Variants in WWC1 observed in about 807,000 individuals in gnomAD.
The protein encoded by WWC1 is WW and C2 domain containing 1.
Under a neutral mutation model 138.4 loss-of-function variants are expected in WWC1, and 55 were observed. The observed-to-expected ratio is 0.40, with a 90% CI of 0.32 to 0.50. The LOEUF (loss-of-function observed/expected upper bound fraction) is 0.50, where lower values mean the gene tolerates loss of function less well. Ranked by LOEUF, WWC1 falls within the 20% of genes least tolerant of loss-of-function variation. The pLI is 0.72. For missense variants in WWC1, 1,226 were observed against 1,420.4 expected, an observed-to-expected ratio of 0.86 and a Z score of 2.20; for synonymous variants, 524 against 564.9, an observed-to-expected ratio of 0.93 and a Z score of 1.03.
At chr5:168,302,136 G>A (rs1308607644) in intron 1 of WWC1, among the ~76,000 whole-genome samples, 2 of 152,190 alleles carry the variant, frequency 1.3e-5, no homozygotes, top group East Asian at 3.8e-4. Flanking sequence ...GGAGGTCTCT[G>A]GAACTCATTT....
At chr5:168,464,072 C>T (rs1413071532) in intron 20 of WWC1, among the ~76,000 whole-genome samples, 1 of 152,122 alleles carries the variant, frequency 6.6e-6, no homozygotes, top group African/African-American at 2.4e-5. Context: ...AGGTCACATT[C>T]CTATCCCTGA....
At chr5:168,386,048 C>T (rs1240505436) in intron 3 of WWC1, among the ~76,000 whole-genome samples, 1 of 152,048 alleles carries the variant, frequency 6.6e-6, no homozygotes, top group African/African-American at 2.4e-5. Flanking sequence ...TTTTCCACCT[C>T]AGTGCCTTAG....
At chr5:168,306,022 C>T (rs936022292) in intron 1 of WWC1, among the ~76,000 whole-genome samples, 2 of 152,134 alleles carry the variant, frequency 1.3e-5, no homozygotes, top group African/African-American at 4.8e-5. Context: ...ATTTTAAAAC[C>T]TAATATGTAT....
In WWC1 at chr5:168,372,586, A is replaced by G. The variant is rs146159293; in HGVS notation, c.229+1053A>G. On this transcript the variant is annotated intron_variant, in intron 2 of 22. Transcript: ENST00000265293. ...GGCATTATCTCTTTTAATCCTCCCA[A>G]TTCCTGGTGGGATGTTCAGATGATC... is the stretch of plus-strand genomic sequence containing the variant. 3.7e-4 allele frequency among the ~76,000 whole-genome samples: 56 copies of G among 152,238 alleles called. No homozygotes were observed. The East Asian group carries it at 9.5e-3, about 26-fold the overall frequency.
intron 1 of WWC1, among the ~76,000 whole-genome samples, chr5:168,356,468 G>A (rs1451038692): frequency 2.0e-5 from 3 of 152,222 alleles, no homozygotes; most frequent in African/African-American, 7.2e-5. Flanking sequence ...TCGGTGTCAG[G>A]CAAGAGTCTT....
chr5:168,324,985 TA>T (rs1772412614), intron 1 of WWC1, among the ~76,000 whole-genome samples: 1 of 152,182 alleles, frequency 6.6e-6, no homozygotes, highest in African/African-American at 2.4e-5. Context: ...AATACCTGAA[TA>T]AATGACTGGA....
chr5:168,336,548 G>T, intron 1 of WWC1, among the ~76,000 whole-genome samples: 1 of 143,394 alleles, frequency 7.0e-6, no homozygotes, highest in Non-Finnish European at 1.5e-5. Flanking sequence ...CTCCAGCCTG[G>T]GCAACAGAGC....
At chr5:168,357,485 T>C (rs1775534076) in intron 1 of WWC1, among the ~76,000 whole-genome samples, 1 of 77,906 alleles carries the variant, frequency 1.3e-5, no homozygotes, top group Middle Eastern at 7.5e-3. Context: ...TGTGTGTGTG[T>C]GTGTGTGTGC....
chr5:168,367,738 C>CA (rs530696976), intron 1 of WWC1, among the ~76,000 whole-genome samples: 1 of 152,248 alleles, frequency 6.6e-6, no homozygotes, highest in South Asian at 2.1e-4. Flanking sequence ...ATTTGCAAAA[C>CA]AGAGTAAGAG....
chr5:168,372,489 G>C (rs1776836762), intron 2 of WWC1, among the ~76,000 whole-genome samples: 1 of 152,140 alleles, frequency 6.6e-6, no homozygotes, highest in South Asian at 2.1e-4. Flanking sequence ...CTGAGACTAG[G>C]GCATCAAATC....
At chr5:168,428,207 T>G in intron 12 of WWC1, 66 bp downstream of exon 12, 1 of 1,503,940 alleles carries the variant, frequency 6.6e-7, no homozygotes, top group Non-Finnish European at 9.1e-7. Flanking sequence ...ATCCAGAGCC[T>G]AGGCCTGTGG....
At chr5:168,423,417 A>C in intron 10 of WWC1, 116 bp from the exon 11 acceptor site, 46 of 1,182,956 alleles carry the variant, frequency 3.9e-5, no homozygotes, top group Non-Finnish European at 4.7e-5. Context: ...GGTCTACCCT[A>C]GAGATTGCCA....
intron 1 of WWC1, among the ~76,000 whole-genome samples, chr5:168,306,648 G>A (rs1229849226): frequency 6.6e-6 from 1 of 152,132 alleles, no homozygotes; most frequent in Non-Finnish European, 1.5e-5. Flanking sequence ...CCAGGCTGGA[G>A]TGCAGTGGCA....
At chr5:168,418,225 A>G (rs1780801780) in intron 9 of WWC1, among the ~76,000 whole-genome samples, 1 of 152,168 alleles carries the variant, frequency 6.6e-6, no homozygotes, top group South Asian at 2.1e-4. Flanking sequence ...CAAATCAGTC[A>G]GACTCACAGG....
In WWC1 at chr5:168,414,387, T is replaced by G; in HGVS notation, c.981T>G (p.Ser327Arg). ...NLKIQLAKLD[S>R]EAWPGVLDSE... ...AGATCCAGCTGGCCAAGCTTGACAGTGAGGCCTGGCCTGGGGTGCTGGACT... is the reference window on the plus strand; with the variant it reads ...AGATCCAGCTGGCCAAGCTTGACAGGGAGGCCTGGCCTGGGGTGCTGGACT... The change falls in exon 9 of 23, where the codon AGT becomes AGG. Residue 327 changes from serine to arginine, a missense_variant. Around this residue, in one of 3 missense-constraint regions of WWC1, gnomAD observed 1,016 missense variants for 1,153.9 expected, o/e 0.88. Transcript: ENST00000265293. The G allele has an allele frequency of 1.2e-6, 2 of 1,609,836 alleles. No homozygotes were observed. Among genetic ancestry groups the G allele is most frequent in the Non-Finnish European group, 8.5e-7 (1 of 1,178,128 alleles).
Position 168,292,901 on chromosome 5 carries a change from G to A in WWC1, c.119+630G>A, listed in dbSNP as rs970113988. 6.6e-6 allele frequency among the ~76,000 whole-genome samples: 1 copy of A among 152,184 alleles called. No homozygotes were observed. Among genetic ancestry groups the A allele is most frequent in the Non-Finnish European group, 1.5e-5 (1 of 68,028 alleles). ...TGAAGAAGCGGGGGAGGGCAGATGAGGGAGACTGGTTATCCAGGAATCTGG... is the reference window on the plus strand; with the variant it reads ...TGAAGAAGCGGGGGAGGGCAGATGAAGGAGACTGGTTATCCAGGAATCTGG... On this transcript the variant is annotated intron_variant, in intron 1 of 22. Coordinates refer to ENST00000265293, the MANE Select transcript of WWC1 (RefSeq NM_015238.3). The surrounding 1 kb of genome is among the most constrained non-coding windows in gnomAD (Gnocchi z 4.4).
At chr5:168,375,857 G>A (rs1335712286) in intron 2 of WWC1, among the ~76,000 whole-genome samples, 1 of 152,006 alleles carries the variant, frequency 6.6e-6, no homozygotes. Context: ...ATACAGACGT[G>A]AGCCACCATG....
At chr5:168,424,980 C>A (rs1781392521) in intron 11 of WWC1, among the ~76,000 whole-genome samples, 1 of 152,136 alleles carries the variant, frequency 6.6e-6, no homozygotes, top group African/African-American at 2.4e-5. Context: ...TTAGCAGCAA[C>A]CACATAATAA....
chr5:168,305,561 G>C (rs1358090988), intron 1 of WWC1, among the ~76,000 whole-genome samples: 1 of 152,222 alleles, frequency 6.6e-6, no homozygotes, highest in South Asian at 2.1e-4. Context: ...CCCCGGGTCC[G>C]GAGTTTTGGA....
Sources: allele counts gnomAD v4.1 joint callset (sites outside exome capture counted in the v4.1 genomes callset), GRCh38; gene constraint gnomAD v4.1.1; regional missense constraint gnomAD v4.1.1; non-coding constraint Gnocchi (gnomAD v3.1); transcripts MANE v1.5; gene names NCBI Gene and HGNC (gene_info 2026-07-23, HGNC 2026-07-21).